The following INTS7 variants were observed in gnomAD, a reference collection of about 807,000 sequenced individuals.
INTS7 encodes integrator complex subunit 7, also known as chromosome 1 open reading frame 73.
Under a neutral mutation model 109.2 loss-of-function variants are expected in INTS7, and 46 were observed. That is an observed-to-expected ratio of 0.42 (90% CI 0.33 to 0.54). INTS7 has a LOEUF of 0.54. INTS7 is among the 20% of genes least tolerant of loss of function. The pLI, the probability that INTS7 is intolerant of heterozygous loss-of-function variation, is 0.07. For synonymous variants in INTS7, 412 were observed against 402.9 expected (o/e 1.02, Z -0.27); for missense variants, 929 against 1,132.4 (o/e 0.82, Z 2.58).
chr1:211,959,531 C>A lies in INTS7; in HGVS notation c.2184-6830G>T, dbSNP rs990845073. ...TGGCAGCTTTCCCTGGGCCCATGGC[C>A]ACCCTCGACATTGCTTTGCCTGCGT... On this transcript the variant is annotated intron_variant, in intron 16 of 19. Transcript: ENST00000366994. The surrounding 1 kb of genome is among the most constrained non-coding windows in gnomAD (Gnocchi z 4.2). 6.6e-6 allele frequency among the ~76,000 whole-genome samples: 1 copy of A among 152,172 alleles called. No homozygotes were observed. The highest frequency in any genetic ancestry group is 1.5e-5 in the Non-Finnish European group (1 of 68,020).
At chr1:211,973,030 A>G (rs1313210551) in intron 13 of INTS7, among the ~76,000 whole-genome samples, 1 of 152,158 alleles carries the variant, frequency 6.6e-6, no homozygotes, top group Non-Finnish European at 1.5e-5. Flanking sequence ...AGCTCACTGC[A>G]ACCTCCTCTT....
In INTS7 at chr1:212,035,474, C is replaced by G. The variant is rs78585757; in HGVS notation, c.-37G>C. On this transcript the variant is annotated 5_prime_UTR_variant, in exon 1 of 20. Coordinates refer to ENST00000366994, the MANE Select transcript of INTS7 (RefSeq NM_015434.4). ...TTACTCGACTAGCCTAGTCAGAAAG[C>G]TTGCAAACTCTACCCCAGGACCGCC... is the stretch of plus-strand genomic sequence containing the variant. The G allele has an allele frequency of 6.9e-7, 1 of 1,439,458 alleles. No homozygotes were observed. The highest frequency in any genetic ancestry group is 9.8e-7 in the Non-Finnish European group (1 of 1,020,736). 89.2% of individuals were successfully genotyped at this position (1,439,458 alleles called of 1,614,324 possible). A position where few individuals can be genotyped will look rare whatever the true frequency, so the allele number is the denominator to read the frequency against.
chr1:212,005,905 CAACA>C (rs531524734), intron 7 of INTS7, among the ~76,000 whole-genome samples: 65 of 152,022 alleles, frequency 4.3e-4, no homozygotes, highest in African/African-American at 7.5e-4. Flanking sequence ...GTTTAGAAAA[CAACA>C]AACAAACAAA....
At chr1:211,991,801 C>G (rs141848212) in intron 7 of INTS7, among the ~76,000 whole-genome samples, 4,201 of 152,218 alleles carry the variant, frequency 0.028, 148 homozygotes, top group East Asian at 0.12. Flanking sequence ...GAGCCATGGA[C>G]TCAACTTGGA....
intron 13 of INTS7, among the ~76,000 whole-genome samples, chr1:211,974,267 GAAAAAA>G (rs67430806): frequency 0.025 from 2,641 of 106,802 alleles, 105 homozygotes; most frequent in South Asian, 0.052. Context: ...TCTCTTCCCA[GAAAAAA>G]AAAATATATA....
intron 1 of INTS7, among the ~76,000 whole-genome samples, chr1:212,026,541 ATTCTAAGTAGCTGGCAGTGTGG>A (rs1666928027): frequency 6.6e-6 from 1 of 150,424 alleles, no homozygotes; most frequent in Non-Finnish European, 1.5e-5. Context: ...AAAAGGGATA[ATTCTAAGTAGCTGGCAGTGTGG>A]CTCATGTAGC....
chr1:212,019,490 C>T (rs1481080860), intron 3 of INTS7, among the ~76,000 whole-genome samples: 1 of 151,994 alleles, frequency 6.6e-6, no homozygotes. Context: ...ACTGTCTGGG[C>T]AGGCTAGGTC....
In INTS7 at chr1:211,982,699, A is replaced by T; in HGVS notation, c.1109T>A (p.Ile370Lys). The change falls in exon 9 of 20, where the codon ATA (isoleucine) becomes AAA (lysine). Residue 370 changes from isoleucine (I) to lysine (K), a missense_variant. Ile to Lys is a moderately radical substitution (Grantham distance 102). This residue lies in a region of INTS7 where 787 missense variants were observed against 901.1 expected (regional missense o/e 0.87). Transcript: ENST00000366994. ...AAHGVRVLTN[I>K]TVSCQEKDLL... ...ACCCTTTTCTTGACAAGAAACAGTT[A>T]TATTAGTTAGGACTCTAACTCCATG... 1 of 1,608,274 alleles carries T rather than the reference A, an allele frequency of 6.2e-7. No individual in the cohort carries two copies. The highest frequency in any genetic ancestry group is 2.2e-5 in the East Asian group (1 of 44,614).
chr1:211,972,235 C>A (rs79347609), intron 13 of INTS7, among the ~76,000 whole-genome samples: 1 of 151,296 alleles, frequency 6.6e-6, no homozygotes, highest in Admixed American at 6.6e-5. Flanking sequence ...GATATTATGC[C>A]TATTCAATAT....
chr1:212,030,719 T>C (rs1473161560), intron 1 of INTS7: 1 of 152,220 alleles, frequency 6.6e-6, no homozygotes, highest in Non-Finnish European at 1.5e-5. Flanking sequence ...CAATCAGTTA[T>C]GGTATGGAAT....
intron 7 of INTS7, among the ~76,000 whole-genome samples, chr1:212,003,442 A>G (rs781003777): frequency 6.6e-6 from 1 of 152,154 alleles, no homozygotes; most frequent in Non-Finnish European, 1.5e-5. Flanking sequence ...AAGATTGAGG[A>G]CAAAATGAAA....
At chr1:212,018,675 C>T (rs2993529) in intron 3 of INTS7, among the ~76,000 whole-genome samples, 82,972 of 151,728 alleles carry the variant, frequency 0.55, 22,994 homozygotes, top group Middle Eastern at 0.6. Flanking sequence ...ATATTAATAT[C>T]AACTAGCAAA....
intron 4 of INTS7, among the ~76,000 whole-genome samples, chr1:212,014,586 CTGA>C (rs1666320206): frequency 1.3e-5 from 2 of 148,890 alleles, no homozygotes; most frequent in Non-Finnish European, 3.0e-5. Flanking sequence ...CGGTCTCCCT[CTGA>C]TGCCGAGCGG....
At chr1:211,993,011 G>T (rs1665210851) in intron 7 of INTS7, among the ~76,000 whole-genome samples, 1 of 152,118 alleles carries the variant, frequency 6.6e-6, no homozygotes, top group Non-Finnish European at 1.5e-5. Flanking sequence ...TTGTTGTCTG[G>T]GTCAATCCCT....
chr1:211,941,704 C>T lies in INTS7; in HGVS notation c.*120G>A. 7.0e-7 allele frequency: 1 copy of T among 1,433,430 alleles called. No homozygotes were observed. Among genetic ancestry groups the T allele is most frequent in the Non-Finnish European group, 9.4e-7 (1 of 1,068,056 alleles). 88.8% of individuals were successfully genotyped at this position (1,433,430 alleles called of 1,614,324 possible). On this transcript the variant is annotated 3_prime_UTR_variant, in exon 20 of 20. Coordinates refer to ENST00000366994, the MANE Select transcript of INTS7 (RefSeq NM_015434.4). Reference sequence around the variant, plus strand: ...AAATTTTTTCCAGAATATTACATTACAAAAATCAATGAATAAATGAACTAC... The same window carrying T: ...AAATTTTTTCCAGAATATTACATTATAAAAATCAATGAATAAATGAACTAC...
chr1:211,956,750 C>A (rs1239039842), intron 16 of INTS7, among the ~76,000 whole-genome samples: 4 of 152,108 alleles, frequency 2.6e-5, no homozygotes, highest in African/African-American at 9.7e-5. Context: ...GTATGACCTG[C>A]TGAATGATCA....
intron 4 of INTS7, among the ~76,000 whole-genome samples, chr1:212,011,784 G>A (rs1239660700): frequency 6.6e-6 from 1 of 152,102 alleles, no homozygotes; most frequent in African/African-American, 2.4e-5. Context: ...GTCTGAACAT[G>A]GTGGATATTC....
intron 4 of INTS7, among the ~76,000 whole-genome samples, chr1:212,013,481 G>C (rs1666255760): frequency 6.6e-6 from 1 of 152,280 alleles, no homozygotes; most frequent in Non-Finnish European, 1.5e-5. Flanking sequence ...AGCAAGGTAA[G>C]GTTAATTTAT....
chr1:211,966,381 T>C (rs992057398), intron 16 of INTS7, 49 bp downstream of exon 16: 2 of 1,012,112 alleles, frequency 2.0e-6, no homozygotes, highest in African/African-American at 3.2e-5. Context: ...GGTAAGACAA[T>C]GTATAGAAAG....
Sources: allele counts gnomAD v4.1 joint callset (sites outside exome capture counted in the v4.1 genomes callset), GRCh38; gene constraint gnomAD v4.1.1; regional missense constraint gnomAD v4.1.1; non-coding constraint Gnocchi (gnomAD v3.1); transcripts MANE v1.5; gene names NCBI Gene and HGNC (gene_info 2026-07-23, HGNC 2026-07-21).